METTL4: variants seen among roughly 807,000 people sequenced by gnomAD.
METTL4 encodes the protein N(6)-adenine-specific methyltransferase METTL4.
In METTL4, 40 loss-of-function variants were observed where a neutral mutation model predicts 54.0. The ratio of observed to expected loss-of-function variants is 0.74; its 90% CI spans 0.58 to 0.96. The LOEUF (loss-of-function observed/expected upper bound fraction) is 0.96, where lower values mean the gene tolerates loss of function less well. Among genes scored for constraint, METTL4 ranks in the 50% least tolerant of loss-of-function variants. The pLI, the probability that METTL4 is intolerant of heterozygous loss-of-function variation, is 0.00. For synonymous variants in METTL4, 169 were observed against 183.8 expected, an observed-to-expected ratio of 0.92 and a Z score of 0.65; for missense variants, 525 against 549.0, an observed-to-expected ratio of 0.96 and a Z score of 0.44.
Position 2,539,081 on chromosome 18 carries a change from C to A in METTL4, c.1338G>T (p.Gln446His), listed in dbSNP as rs772391590. ...EYLELFARNL[Q>H]PGWTSWGNEV... ...CATTGCCCCAACTAGTCCAACCTGG[C>A]TGTAAATTTCGAGCAAACAACTCCA... Residue 446 changes from glutamine (Q) to histidine (H), a missense_variant, in exon 9 of 9, where the codon CAG (glutamine) becomes CAT (histidine). By Grantham distance (24) the Gln-to-His change is conservative. Transcript: ENST00000574538. The A allele has an allele frequency of 5.0e-6, 8 of 1,613,854 alleles. No homozygotes were observed. Among genetic ancestry groups the A allele is most frequent in the Non-Finnish European group, 6.8e-6 (8 of 1,179,814 alleles).
At chr18:2,553,406 C>A (rs577811373) in intron 4 of METTL4, 1 of 152,116 alleles carries the variant, frequency 6.6e-6, no homozygotes, top group Non-Finnish European at 1.5e-5. Context: ...TGCAAGAGGA[C>A]CACCAAAGTA....
At chr18:2,561,661 T>C (rs975478742) in intron 3 of METTL4, 3 of 152,216 alleles carry the variant, frequency 2.0e-5, no homozygotes, top group African/African-American at 4.8e-5. Context: ...TAGTCAAACC[T>C]CTAAATCTGA....
intron 8 of METTL4, among the ~76,000 whole-genome samples, chr18:2,542,429 T>C (rs1013906539): frequency 6.8e-6 from 1 of 146,016 alleles, no homozygotes; most frequent in African/African-American, 2.5e-5. Flanking sequence ...AAAACCTGTC[T>C]CCTGAGGCTC....
chr18:2,539,073 CA>C lies in METTL4; in HGVS notation c.1345del (p.Trp449GlyfsTer30). ...GAGAACTTCATTGCCCCAACTAGTC[CA>C]ACCTGGCTGTAAATTTCGAGCAAAC... is the stretch of plus-strand genomic sequence containing the variant. The part of the protein sequence containing the change: ...ELFARNLQPG[W>X]TSWGNEVLKF... On this transcript the variant is annotated frameshift_variant, in exon 9 of 9. Coordinates refer to ENST00000574538, the MANE Select transcript of METTL4 (RefSeq NM_022840.5). LOFTEE classifies it high-confidence loss of function. 6.2e-7 allele frequency: 1 copy of C among 1,613,858 alleles called. No homozygotes were observed. The highest frequency in any genetic ancestry group is 8.5e-7 in the Non-Finnish European group (1 of 1,179,808).
At chr18:2,544,550 G>T (rs1242091206) in intron 7 of METTL4, 103 bp downstream of exon 7, 1 of 797,032 alleles carries the variant, frequency 1.3e-6, no homozygotes, top group Non-Finnish European at 2.0e-6. Context: ...CATTTTCAGA[G>T]TTTCAAAAAC....
chr18:2,540,770 C>A (rs1383034393), intron 8 of METTL4: 2 of 985,310 alleles, frequency 2.0e-6, no homozygotes, highest in East Asian at 1.1e-4. Context: ...AGCCTCAGTT[C>A]ACTTTAATGT....
chr18:2,553,530 TA>T (rs747310885), intron 4 of METTL4: 1 of 152,170 alleles, frequency 6.6e-6, no homozygotes, highest in Non-Finnish European at 1.5e-5. Flanking sequence ...AATTAACAAG[TA>T]TCTTGGGAGG....
At chr18:2,561,905 G>A (rs1357547834) in intron 3 of METTL4, 2 of 152,146 alleles carry the variant, frequency 1.3e-5, no homozygotes, top group Non-Finnish European at 2.9e-5. Context: ...AACCTTGCAA[G>A]TGTCATTTCC....
chr18:2,568,752 CAA>C (rs552135454), intron 1 of METTL4: 23 of 112,132 alleles, frequency 2.1e-4, no homozygotes, highest in Non-Finnish European at 2.3e-4. Flanking sequence ...AACTACGTCT[CAA>C]AAAAAAAAAA....
intron 8 of METTL4, among the ~76,000 whole-genome samples, chr18:2,541,603 G>A (rs1338880981): frequency 6.6e-6 from 1 of 152,074 alleles, no homozygotes; most frequent in Non-Finnish European, 1.5e-5. Context: ...ACTTTATAAT[G>A]TTAGGTTGTA....
intron 3 of METTL4, among the ~76,000 whole-genome samples, chr18:2,557,733 T>C (rs1177802766): frequency 6.6e-6 from 1 of 152,200 alleles, no homozygotes; most frequent in Non-Finnish European, 1.5e-5. Context: ...TCATGTGACA[T>C]GGGGTGCAAA....
intron 4 of METTL4, chr18:2,552,967 A>G (rs2072185440): frequency 3.9e-6 from 2 of 508,748 alleles, no homozygotes; most frequent in South Asian, 5.3e-5. Flanking sequence ...GAATTGTATC[A>G]TAATGTTACC....
chr18:2,542,443 T>G (rs1297864798), intron 8 of METTL4, among the ~76,000 whole-genome samples: 1 of 149,558 alleles, frequency 6.7e-6, no homozygotes, highest in East Asian at 2.0e-4. Flanking sequence ...GAGGCTCATC[T>G]TTAAATATAA....
intron 3 of METTL4, among the ~76,000 whole-genome samples, chr18:2,557,740 CA>C (rs2072259580): frequency 6.6e-6 from 1 of 152,158 alleles, no homozygotes; most frequent in African/African-American, 2.4e-5. Flanking sequence ...ACATGGGGTG[CA>C]AAGGGAGCCT....
At chr18:2,552,578 A>G (rs1219069011) in intron 5 of METTL4, 117 bp downstream of exon 5, 6 of 683,638 alleles carry the variant, frequency 8.8e-6, no homozygotes. Flanking sequence ...AACTATTGAA[A>G]GCATTTTAGT....
At chr18:2,542,981 A>C (rs2143474207) in intron 8 of METTL4, among the ~76,000 whole-genome samples, 1 of 152,086 alleles carries the variant, frequency 6.6e-6, no homozygotes, top group Admixed American at 6.5e-5. Context: ...TATAAAAATT[A>C]GGCATGGTGG....
chr18:2,566,691 T>C (rs924020427), intron 2 of METTL4, 130 bp downstream of exon 2: 43 of 645,730 alleles, frequency 6.7e-5, no homozygotes, highest in Non-Finnish European at 8.4e-5. Flanking sequence ...ATTTCAGATA[T>C]GCTAAAGCCT....
chr18:2,567,306 T>A lies in METTL4; in HGVS notation c.-90A>T. On this transcript the variant is annotated 5_prime_UTR_variant, in exon 2 of 9. Coordinates refer to ENST00000574538, the MANE Select transcript of METTL4 (RefSeq NM_022840.5). ...GCTTCTTAAATATCTTGTATTTCAA[T>A]AAACATACACTTCATACACACAGAT... is the stretch of plus-strand genomic sequence containing the variant. 8.3e-7 allele frequency: 1 copy of A among 1,204,440 alleles called. No homozygotes were observed. Among genetic ancestry groups the A allele is most frequent in the Non-Finnish European group, 1.2e-6 (1 of 857,602 alleles). The allele number at this position is 1,204,440 out of a possible 1,614,324, so 74.6% of individuals were successfully genotyped here.
intron 6 of METTL4, among the ~76,000 whole-genome samples, chr18:2,545,562 T>C (rs1200861418): frequency 6.6e-6 from 1 of 152,070 alleles, no homozygotes; most frequent in East Asian, 1.9e-4. Context: ...AAAGACTCAT[T>C]TAAGCTAATC....
Sources: gnomAD v4.1 joint callset for allele counts (sites outside exome capture counted in the v4.1 genomes callset) on GRCh38, gnomAD v4.1.1 for gene constraint, MANE v1.5 for transcripts, NCBI Gene and HGNC (gene_info 2026-07-23, HGNC 2026-07-21) for gene names.